The following WDPCP variants were observed in gnomAD, a reference collection of about 807,000 sequenced individuals.
WDPCP encodes WD repeat-containing and planar cell polarity effector protein fritz homolog.
A neutral mutation model predicts 93.1 loss-of-function variants in WDPCP; 71 were observed. The ratio of observed to expected loss-of-function variants is 0.76; its 90% CI spans 0.63 to 0.93. The LOEUF (loss-of-function observed/expected upper bound fraction) is 0.93. Ranked by LOEUF, WDPCP falls within the 40% of genes least tolerant of loss-of-function variation. The pLI, the probability that WDPCP is intolerant of heterozygous loss-of-function variation, is 0.00. For missense variants in WDPCP, 844 were observed against 887.4 expected, an observed-to-expected ratio of 0.95 and a Z score of 0.62; for synonymous variants, 315 against 315.0, an observed-to-expected ratio of 1.00 and a Z score of 0.00.
intron 3 of WDPCP, among the ~76,000 whole-genome samples, chr2:63,641,248 T>C (rs1446821941): frequency 6.6e-6 from 1 of 152,226 alleles, no homozygotes; most frequent in Non-Finnish European, 1.5e-5. Flanking sequence ...CTTCCAAATC[T>C]TGGCTATTGT....
chr2:63,494,919 C>CAAAA (rs34227025), intron 1 of WDPCP, among the ~76,000 whole-genome samples: 5 of 69,626 alleles, frequency 7.2e-5, no homozygotes, highest in Non-Finnish European at 5.9e-5. Context: ...GACTCCGTCT[C>CAAAA]AAAAAAAAAA....
chr2:63,686,323 CAA>C (rs1434114228), intron 2 of WDPCP, among the ~76,000 whole-genome samples: 1 of 151,994 alleles, frequency 6.6e-6, no homozygotes, highest in African/African-American at 2.4e-5. Context: ...AAAAAGAAAT[CAA>C]GAGAGTAAAC....
intron 14 of WDPCP, among the ~76,000 whole-genome samples, chr2:63,177,852 T>G (rs936719028): frequency 3.9e-5 from 6 of 152,150 alleles, no homozygotes; most frequent in African/African-American, 1.4e-4. Context: ...TTACCTGTGG[T>G]CTTTTCATGT....
At chr2:63,599,422 T>A in intron 3 of WDPCP, 1 of 897,320 alleles carries the variant, frequency 1.1e-6, no homozygotes, top group Non-Finnish European at 1.6e-6. Flanking sequence ...TTACTTTTAT[T>A]AAATTAAAAG....
chr2:63,794,279 A>G (rs937955690), intron 2 of WDPCP, among the ~76,000 whole-genome samples: 1 of 152,156 alleles, frequency 6.6e-6, no homozygotes, highest in African/African-American at 2.4e-5. Flanking sequence ...CATATGTTTT[A>G]AGGAATTGAC....
intron 3 of WDPCP, chr2:63,643,572 G>A: frequency 2.3e-6 from 1 of 432,480 alleles, no homozygotes; most frequent in African/African-American, 2.0e-5. Context: ...ATCTGAATCT[G>A]TTACTCACCT....
At chr2:63,295,717 T>G (rs1486445402) in intron 13 of WDPCP, among the ~76,000 whole-genome samples, 1 of 151,082 alleles carries the variant, frequency 6.6e-6, no homozygotes, top group African/African-American at 2.4e-5. Context: ...CAGGAAGAAA[T>G]AGAAATCCTG....
At chr2:63,538,951 A>G (rs1704512013) in intron 1 of WDPCP, among the ~76,000 whole-genome samples, 1 of 152,176 alleles carries the variant, frequency 6.6e-6, no homozygotes, top group Admixed American at 6.5e-5. Context: ...TATTTTCAAA[A>G]CAATATAACA....
chr2:63,524,591 C>A (rs1337303540), intron 1 of WDPCP, among the ~76,000 whole-genome samples: 1 of 152,142 alleles, frequency 6.6e-6, no homozygotes, highest in African/African-American at 2.4e-5. Context: ...TCACCACATA[C>A]AAAAATCAAC....
intron 1 of WDPCP, among the ~76,000 whole-genome samples, chr2:63,562,168 T>C (rs1706676864): frequency 1.3e-5 from 2 of 152,180 alleles, no homozygotes; most frequent in Admixed American, 6.5e-5. Context: ...GGCACATGTA[T>C]GCCAGGAATA....
intron 6 of WDPCP, among the ~76,000 whole-genome samples, chr2:63,475,179 T>C (rs1011464918): frequency 6.6e-6 from 1 of 152,180 alleles, no homozygotes; most frequent in Admixed American, 6.6e-5. Context: ...TTGTAGAGTA[T>C]GTCAAAAGAG....
chr2:63,336,497 G>T (rs1280274345), intron 12 of WDPCP, among the ~76,000 whole-genome samples: 1 of 152,058 alleles, frequency 6.6e-6, no homozygotes, highest in African/African-American at 2.4e-5. Context: ...TCCATAAATG[G>T]CCTTTATCAT....
At chr2:63,551,426 T>G (rs1366707986) in intron 1 of WDPCP, among the ~76,000 whole-genome samples, 1 of 152,044 alleles carries the variant, frequency 6.6e-6, no homozygotes, top group Non-Finnish European at 1.5e-5. Flanking sequence ...TGAGTTCAAG[T>G]GAGATCGGGT....
chr2:63,455,043 C>G (rs1698526638), intron 6 of WDPCP, among the ~76,000 whole-genome samples: 1 of 152,124 alleles, frequency 6.6e-6, no homozygotes. Flanking sequence ...ACAAGAAAGG[C>G]TCAAGGGAGT....
At chr2:63,142,817 GGTGT>G (rs143419326) in intron 17 of WDPCP, among the ~76,000 whole-genome samples, 54,755 of 146,172 alleles carry the variant, frequency 0.37, 10,435 homozygotes, top group East Asian at 0.54. Context: ...CAGTGTTAGG[GGTGT>G]GTGTGTGTGT....
At chr2:63,797,879 A>G (rs1446656302) in intron 2 of WDPCP, among the ~76,000 whole-genome samples, 10 of 152,134 alleles carry the variant, frequency 6.6e-5, no homozygotes, top group Non-Finnish European at 1.5e-4. Context: ...CAAGGCATTT[A>G]ATACTCAAAC....
chr2:63,780,353 C>A (rs1670368517), intron 2 of WDPCP, among the ~76,000 whole-genome samples: 1 of 152,134 alleles, frequency 6.6e-6, no homozygotes, highest in African/African-American at 2.4e-5. Flanking sequence ...GAGAAACTCC[C>A]AGCCACCAAA....
chr2:63,762,997 G>T (rs1670079898), intron 2 of WDPCP, among the ~76,000 whole-genome samples: 1 of 152,108 alleles, frequency 6.6e-6, no homozygotes, highest in East Asian at 1.9e-4. Context: ...TATATATGTT[G>T]GGATACAACA....
intron 14 of WDPCP, among the ~76,000 whole-genome samples, chr2:63,254,364 C>G (rs34979920): frequency 0.018 from 2,754 of 152,076 alleles, 31 homozygotes; most frequent in Non-Finnish European, 0.028. Context: ...CATATGCCCC[C>G]TGAAGCTAAA....
Sources: allele counts gnomAD v4.1 joint callset (sites outside exome capture counted in the v4.1 genomes callset), GRCh38; gene constraint gnomAD v4.1.1; transcripts MANE v1.5; gene names NCBI Gene and HGNC (gene_info 2026-07-23, HGNC 2026-07-21).